SLC25A26: variants seen among roughly 807,000 people sequenced by gnomAD.
The protein encoded by SLC25A26 is solute carrier family 25 member 26, also known as mitochondrial S-adenosylmethionine carrier protein.
In SLC25A26, 36 loss-of-function variants were observed where a neutral mutation model predicts 37.8. The observed-to-expected ratio is 0.95, with a 90% CI of 0.73 to 1.26. The LOEUF (loss-of-function observed/expected upper bound fraction) is 1.26, where lower values mean the gene tolerates loss of function less well. Ranked by LOEUF, SLC25A26 falls within the 50% of genes most tolerant of loss-of-function variation. The pLI, the probability that SLC25A26 is intolerant of heterozygous loss-of-function variation, is 0.00. For synonymous variants in SLC25A26, 129 were observed against 122.5 expected, an observed-to-expected ratio of 1.05 and a Z score of -0.35; for missense variants, 390 against 331.1, an observed-to-expected ratio of 1.18 and a Z score of -1.38.
chr3:66,139,214 C>T (rs753786741), intron 1 of SLC25A26, among the ~76,000 whole-genome samples: 6 of 152,090 alleles, frequency 3.9e-5, no homozygotes, highest in Non-Finnish European at 8.8e-5. Context: ...CTTGATAGTG[C>T]CATTTGTGAA....
In SLC25A26 at chr3:66,168,860, G is replaced by A. The variant is rs144699934; in HGVS notation, c.-354+34876G>A. ...AAAATGGCCAGATATGGTGGCTCAC[G>A]CCTGTAATCCCAGCCCTTTGGAAGG... On this transcript the variant is annotated intron_variant, in intron 1 of 10. Coordinates refer to the SLC25A26 transcript ENST00000676754. 1.5e-4 allele frequency among the ~76,000 whole-genome samples: 23 copies of A among 152,320 alleles called. No individual in the cohort carries two copies. The East Asian group carries it at 3.5e-3, about 23-fold the overall frequency.
intron 1 of SLC25A26, among the ~76,000 whole-genome samples, chr3:66,180,472 T>C (rs2070681580): frequency 6.6e-6 from 1 of 152,198 alleles, no homozygotes; most frequent in African/African-American, 2.4e-5. Flanking sequence ...TAAATAGGAA[T>C]GGCTGGCAAG....
chr3:66,162,714 A>G (rs1325907396), intron 1 of SLC25A26, among the ~76,000 whole-genome samples: 2 of 152,220 alleles, frequency 1.3e-5, no homozygotes, highest in East Asian at 3.9e-4. Flanking sequence ...TGGGCGCATG[A>G]ATGCTTAGCA....
chr3:66,142,098 CA>C (rs2070044000), intron 1 of SLC25A26, among the ~76,000 whole-genome samples: 2 of 152,202 alleles, frequency 1.3e-5, no homozygotes, highest in African/African-American at 4.8e-5. Flanking sequence ...ACATTTTCAT[CA>C]CTCCAAAATT....
At chr3:66,281,996 ATTTTTT>A (rs71105977) in intron 5 of SLC25A26, among the ~76,000 whole-genome samples, 8 of 64,512 alleles carry the variant, frequency 1.2e-4, no homozygotes, top group African/African-American at 3.1e-4. Flanking sequence ...CTGATTTTGC[ATTTTTT>A]TTTTTTTTTT....
intron 5 of SLC25A26, among the ~76,000 whole-genome samples, chr3:66,306,395 T>C (rs2075222762): frequency 6.6e-6 from 1 of 152,242 alleles, no homozygotes; most frequent in Admixed American, 6.5e-5. Flanking sequence ...TTATGTTTGT[T>C]GGCTGCATGA....
chr3:66,235,727 ACAT>A (rs1226210716), intron 1 of SLC25A26, among the ~76,000 whole-genome samples: 2 of 152,246 alleles, frequency 1.3e-5, no homozygotes, highest in African/African-American at 2.4e-5. Context: ...TGCATATTGT[ACAT>A]CATCTTTTCT....
chr3:66,306,299 A>G (rs886594056), intron 5 of SLC25A26, among the ~76,000 whole-genome samples: 2 of 152,152 alleles, frequency 1.3e-5, no homozygotes, highest in African/African-American at 2.4e-5. Flanking sequence ...ACTTTGTAAT[A>G]ATTGCCATTG....
At chr3:66,289,362 A>G (rs1187104479) in intron 5 of SLC25A26, among the ~76,000 whole-genome samples, 2 of 152,148 alleles carry the variant, frequency 1.3e-5, no homozygotes, top group South Asian at 2.1e-4. Context: ...CTTTGTTGCC[A>G]TTGCTTTTGG....
At chr3:66,312,850 T>C (rs112326846) in intron 5 of SLC25A26, among the ~76,000 whole-genome samples, 3,353 of 152,198 alleles carry the variant, frequency 0.022, 39 homozygotes, top group African/African-American at 0.033. Context: ...ACCAGTCCCA[T>C]TGAGATGAAC....
intron 5 of SLC25A26, among the ~76,000 whole-genome samples, chr3:66,287,728 A>C (rs1005137414): frequency 6.6e-6 from 1 of 152,238 alleles, no homozygotes; most frequent in African/African-American, 2.4e-5. Flanking sequence ...CTTCCTTACA[A>C]TATCCTATAA....
intron 5 of SLC25A26, among the ~76,000 whole-genome samples, chr3:66,271,353 A>G (rs2073952132): frequency 6.6e-6 from 1 of 152,160 alleles, no homozygotes; most frequent in Admixed American, 6.5e-5. Context: ...GATGAGGGCA[A>G]GGAGAATCCA....
chr3:66,278,917 G>A (rs949967032), intron 5 of SLC25A26, among the ~76,000 whole-genome samples: 1 of 152,092 alleles, frequency 6.6e-6, no homozygotes, highest in Admixed American at 6.6e-5. Flanking sequence ...TTCTAAAAGT[G>A]GAGTACCGGT....
intron 2 of SLC25A26, among the ~76,000 whole-genome samples, chr3:66,239,316 C>T (rs1023562831): frequency 6.7e-6 from 1 of 150,042 alleles, no homozygotes; most frequent in Non-Finnish European, 1.5e-5. Flanking sequence ...TCTTGATTGG[C>T]TCTGTCATGA....
At chr3:66,210,791 A>G (rs1178918379) in intron 1 of SLC25A26, among the ~76,000 whole-genome samples, 1 of 149,854 alleles carries the variant, frequency 6.7e-6, no homozygotes, top group Non-Finnish European at 1.5e-5. Flanking sequence ...TGGGATTACA[A>G]GCGCAAGCTA....
intron 1 of SLC25A26, among the ~76,000 whole-genome samples, chr3:66,134,459 C>T (rs560771135): frequency 1.3e-5 from 2 of 152,268 alleles, no homozygotes; most frequent in East Asian, 3.9e-4. Flanking sequence ...AAAATAAGAA[C>T]CAGCCAATCT....
chr3:66,357,708 G>C (rs2076607893), intron 6 of SLC25A26, among the ~76,000 whole-genome samples: 1 of 150,636 alleles, frequency 6.6e-6, no homozygotes, highest in Non-Finnish European at 1.5e-5. Flanking sequence ...ATTTTCGGCA[G>C]ATTCTTAAAA....
At chr3:66,347,733 A>G (rs758091525) in intron 6 of SLC25A26, among the ~76,000 whole-genome samples, 5 of 152,252 alleles carry the variant, frequency 3.3e-5, no homozygotes, top group African/African-American at 4.8e-5. Context: ...CCAAATGCCC[A>G]TCAATGATAG....
chr3:66,249,985 G>C (rs1231567695), intron 3 of SLC25A26, among the ~76,000 whole-genome samples: 4 of 152,196 alleles, frequency 2.6e-5, no homozygotes, highest in African/African-American at 9.6e-5. Flanking sequence ...TTTCCTGTCT[G>C]TTGACTTTTT....
Sources: gnomAD v4.1 joint callset for allele counts (sites outside exome capture counted in the v4.1 genomes callset) on GRCh38, gnomAD v4.1.1 for gene constraint, MANE v1.5 for transcripts, NCBI Gene and HGNC (gene_info 2026-07-23, HGNC 2026-07-21) for gene names.